The following RUNDC3B variants were observed in gnomAD, a reference collection of about 807,000 sequenced individuals.
RUNDC3B encodes the protein RUN domain-containing protein 3B.
RUNDC3B carries 33 observed loss-of-function variants against 58.4 expected under a neutral mutation model. That is an observed-to-expected ratio of 0.56 (90% CI 0.43 to 0.75). The LOEUF is 0.75. RUNDC3B is among the 30% of genes least tolerant of loss of function. The pLI, the probability that RUNDC3B is intolerant of heterozygous loss-of-function variation, is 0.00. For synonymous variants in RUNDC3B, 193 were observed against 195.2 expected (o/e 0.99, Z 0.10); for missense variants, 501 against 535.7 (o/e 0.94, Z 0.64).
At chr7:87,743,526 G>A (rs1233073480) in intron 6 of RUNDC3B, among the ~76,000 whole-genome samples, 1 of 151,984 alleles carries the variant, frequency 6.6e-6, no homozygotes, top group Non-Finnish European at 1.5e-5. Flanking sequence ...GGAGTAAGGT[G>A]GTATCACATT....
chr7:87,773,480 A>G (rs890794641), intron 7 of RUNDC3B, among the ~76,000 whole-genome samples: 1 of 152,340 alleles, frequency 6.6e-6, no homozygotes, highest in African/African-American at 2.4e-5. Context: ...AGAAATTTTA[A>G]TGTCTTTCAG....
chr7:87,749,664 C>G (rs1407704260), intron 6 of RUNDC3B, among the ~76,000 whole-genome samples: 2 of 151,958 alleles, frequency 1.3e-5, no homozygotes, highest in East Asian at 3.9e-4. Flanking sequence ...ATCAGTCCCT[C>G]CCCCCACATT....
chr7:87,711,812 T>C (rs1378505499), intron 4 of RUNDC3B, among the ~76,000 whole-genome samples: 2 of 152,322 alleles, frequency 1.3e-5, no homozygotes, highest in East Asian at 3.9e-4. Context: ...CAGAAGGTTC[T>C]ATTGGTCGGA....
At position 87,628,588 on chromosome 7, in the gene RUNDC3B, T is replaced by TGCGTGC. The variant is rs1563084239; in HGVS notation, c.-235_-234insCGTGCG. On this transcript the variant is annotated 5_prime_UTR_variant, in exon 1 of 11. Transcript: ENST00000394654. ...GGCGGAGGTGGTGCGTGCGTGCGTG[T>TGCGTGC]GTGTGTGTGTGTGTGTGTGTGTGTG... 1 of 29,724 alleles carries TGCGTGC rather than the reference T, an allele frequency of 3.4e-5. No homozygotes were observed. Among genetic ancestry groups the TGCGTGC allele is most frequent in the East Asian group, 1.1e-3 (1 of 892 alleles). The allele number at this position is 29,724 out of a possible 1,614,324, so 1.8% of individuals were successfully genotyped here. A position where few individuals can be genotyped will look rare whatever the true frequency, so the allele number is the denominator to read the frequency against.
intron 6 of RUNDC3B, among the ~76,000 whole-genome samples, chr7:87,743,277 G>A (rs1489415549): frequency 6.6e-6 from 1 of 152,208 alleles, no homozygotes. Context: ...CTATAAACAT[G>A]CGTGTGCAAG....
intron 8 of RUNDC3B, among the ~76,000 whole-genome samples, chr7:87,795,761 C>T (rs1002559659): frequency 2.9e-4 from 44 of 150,776 alleles, no homozygotes; most frequent in African/African-American, 1.0e-3. Context: ...TGGTGGCGGA[C>T]GCCTGTAGTC....
chr7:87,715,437 TTAATA>T (rs921491378), intron 4 of RUNDC3B, among the ~76,000 whole-genome samples: 4 of 129,222 alleles, frequency 3.1e-5, no homozygotes, highest in African/African-American at 1.2e-4. Flanking sequence ...TATAATTATA[TTAATA>T]TAATATATAA....
chr7:87,675,653 C>CAAAAAAAAAAAAAAAA (rs200136132), intron 2 of RUNDC3B, among the ~76,000 whole-genome samples: 1 of 65,848 alleles, frequency 1.5e-5, no homozygotes, highest in African/African-American at 5.8e-5. Context: ...TATTCACATG[C>CAAAAAAAAAAAAAAAA]AAAAAAAAAA....
chr7:87,753,123 C>T (rs1201456173), intron 6 of RUNDC3B, among the ~76,000 whole-genome samples: 4 of 151,828 alleles, frequency 2.6e-5, no homozygotes, highest in Non-Finnish European at 5.9e-5. Context: ...GCCTTCATTT[C>T]GTTATGTACC....
chr7:87,699,190 G>A (rs1350490043), intron 2 of RUNDC3B, among the ~76,000 whole-genome samples: 4 of 152,066 alleles, frequency 2.6e-5, no homozygotes, highest in African/African-American at 9.7e-5. Context: ...AATTACTGAG[G>A]AAGGGAGGAT....
intron 6 of RUNDC3B, among the ~76,000 whole-genome samples, chr7:87,745,510 G>A (rs1386867350): frequency 6.6e-6 from 1 of 151,450 alleles, no homozygotes; most frequent in Non-Finnish European, 1.5e-5. Flanking sequence ...GGTCTGTTCA[G>A]CGTATCTAAT....
chr7:87,736,716 A>G (rs1831953822), intron 4 of RUNDC3B, among the ~76,000 whole-genome samples: 1 of 149,398 alleles, frequency 6.7e-6, no homozygotes, highest in African/African-American at 2.4e-5. Flanking sequence ...TTACTTTGGT[A>G]CTTTCAACAT....
chr7:87,821,029 G>T (rs1464867991), intron 10 of RUNDC3B, among the ~76,000 whole-genome samples: 5 of 149,066 alleles, frequency 3.4e-5, no homozygotes, highest in African/African-American at 1.2e-4. Flanking sequence ...AGTGTTGGAA[G>T]TTCTGGCCAG....
At chr7:87,657,161 A>T (rs1824190728) in intron 2 of RUNDC3B, among the ~76,000 whole-genome samples, 1 of 152,184 alleles carries the variant, frequency 6.6e-6, no homozygotes, top group African/African-American at 2.4e-5. Context: ...AAGACTGGTT[A>T]AGGACACTAG....
At chr7:87,693,663 T>TTTTGACATA (rs1353676057) in intron 2 of RUNDC3B, among the ~76,000 whole-genome samples, 1 of 152,172 alleles carries the variant, frequency 6.6e-6, no homozygotes, top group Non-Finnish European at 1.5e-5. Context: ...TGCTCACATA[T>TTTTGACATA]TTTTGACTTA....
rs1838156589 is a variant in RUNDC3B at position 87,832,100 on chromosome 7, C to T, written c.*2070C>T. The T allele has an allele frequency of 6.6e-6, 1 of 151,888 alleles. No individual in the cohort carries two copies. Among genetic ancestry groups the T allele is most frequent in the African/African-American group, 2.4e-5 (1 of 41,408 alleles). The allele number at this position is 151,888 out of a possible 1,614,324, so 9.4% of individuals were successfully genotyped here. A position where few individuals can be genotyped will look rare whatever the true frequency, so the allele number is the denominator to read the frequency against. ...AGGTTTCTACAGAGTTCGTTTCACACTAAAGGTAGTTTGTTACTGTTTGCA... is the reference window on the plus strand; with the variant it reads ...AGGTTTCTACAGAGTTCGTTTCACATTAAAGGTAGTTTGTTACTGTTTGCA... On this transcript the variant is annotated 3_prime_UTR_variant, in exon 11 of 11. Coordinates refer to ENST00000394654, the MANE Select transcript of RUNDC3B (RefSeq NM_001134405.2).
At chr7:87,731,914 T>C (rs1488689124) in intron 4 of RUNDC3B, among the ~76,000 whole-genome samples, 1 of 152,194 alleles carries the variant, frequency 6.6e-6, no homozygotes, top group Admixed American at 6.5e-5. Context: ...ATAGACCAAA[T>C]GGACCTAATA....
At chr7:87,733,850 A>G (rs1831755170) in intron 4 of RUNDC3B, among the ~76,000 whole-genome samples, 1 of 152,188 alleles carries the variant, frequency 6.6e-6, no homozygotes, top group Non-Finnish European at 1.5e-5. Context: ...TCCAGTTCCT[A>G]ACAGGCCACG....
At chr7:87,749,583 G>A (rs559139602) in intron 6 of RUNDC3B, among the ~76,000 whole-genome samples, 1 of 151,614 alleles carries the variant, frequency 6.6e-6, no homozygotes, top group Admixed American at 6.6e-5. Flanking sequence ...AAATCAAATC[G>A]CATCCACAGA....
Sources: allele counts gnomAD v4.1 joint callset (sites outside exome capture counted in the v4.1 genomes callset), GRCh38; gene constraint gnomAD v4.1.1; transcripts MANE v1.5; gene names NCBI Gene and HGNC (gene_info 2026-07-23, HGNC 2026-07-21).